Variants in CSMD1 observed in about 807,000 individuals in gnomAD.
CSMD1 encodes CUB and sushi domain-containing protein 1.
CSMD1 carries 213 observed loss-of-function variants against 417.5 expected under a neutral mutation model. That is an observed-to-expected ratio of 0.51 (90% confidence interval 0.46 to 0.57). CSMD1 has a LOEUF of 0.57. Ranked by LOEUF, CSMD1 falls within the 20% of genes least tolerant of loss-of-function variation. CSMD1 has a pLI of 0.00. For synonymous variants in CSMD1, 2,862 were observed against 1,736.8 expected (o/e 1.65, Z -16.11); for missense variants, 6,923 against 4,529.7 (o/e 1.53, Z -15.17).
intron 1 of CSMD1, among the ~76,000 whole-genome samples, chr8:4,769,730 C>A (rs181330884): frequency 6.6e-6 from 1 of 152,176 alleles, no homozygotes; most frequent in African/African-American, 2.4e-5. Flanking sequence ...GAAGTCCAAA[C>A]CAGGTAAGTC....
chr8:3,612,741 C>T (rs937427301), intron 8 of CSMD1, among the ~76,000 whole-genome samples: 9 of 151,912 alleles, frequency 5.9e-5, no homozygotes, highest in African/African-American at 2.2e-4. Flanking sequence ...AAAATGAAAA[C>T]ACAGCATATC....
chr8:3,845,869 G>C (rs925352775), intron 5 of CSMD1, among the ~76,000 whole-genome samples: 9 of 150,494 alleles, frequency 6.0e-5, no homozygotes, highest in Admixed American at 2.7e-4. Context: ...TGTTAAAAAT[G>C]AAGACACAAA....
chr8:4,210,645 C>G (rs903836548), intron 3 of CSMD1, among the ~76,000 whole-genome samples: 2 of 151,762 alleles, frequency 1.3e-5, no homozygotes, highest in African/African-American at 2.4e-5. Flanking sequence ...ATACAATTAG[C>G]CAAGAAAAAA....
At chr8:3,384,143 C>G (rs2649638) in intron 18 of CSMD1, among the ~76,000 whole-genome samples, 150,975 of 152,240 alleles carry the variant, frequency 0.99, 74,877 homozygotes, top group South Asian at 1. Context: ...CATGTTTACT[C>G]TGGGAAATGC....
intron 10 of CSMD1, among the ~76,000 whole-genome samples, chr8:3,557,470 T>C (rs575285155): frequency 6.6e-6 from 1 of 152,170 alleles, no homozygotes; most frequent in Non-Finnish European, 1.5e-5. Context: ...ATAGGCTTCC[T>C]TGAAAAGATA....
intron 2 of CSMD1, among the ~76,000 whole-genome samples, chr8:4,595,366 G>C (rs557845625): frequency 3.9e-5 from 2 of 51,936 alleles, no homozygotes; most frequent in African/African-American, 8.2e-5. Flanking sequence ...TTATTCATTT[G>C]TCTATTGATG....
chr8:3,435,223 T>A (rs1814473272), intron 12 of CSMD1, among the ~76,000 whole-genome samples: 1 of 152,086 alleles, frequency 6.6e-6, no homozygotes, highest in Non-Finnish European at 1.5e-5. Context: ...AGCACAGAGC[T>A]CCCTGGGAAA....
chr8:3,316,880 A>G (rs1465507177), intron 23 of CSMD1, among the ~76,000 whole-genome samples: 2 of 152,178 alleles, frequency 1.3e-5, no homozygotes, highest in African/African-American at 4.8e-5. Context: ...GCAATGTGCA[A>G]TATGGACATG....
At chr8:3,862,988 G>C (rs1196780594) in intron 5 of CSMD1, among the ~76,000 whole-genome samples, 1 of 152,102 alleles carries the variant, frequency 6.6e-6, no homozygotes, top group East Asian at 1.9e-4. Flanking sequence ...CCAATATCAA[G>C]GTACCAACAG....
chr8:4,000,890 G>C (rs1038273792), intron 4 of CSMD1, among the ~76,000 whole-genome samples: 2 of 151,908 alleles, frequency 1.3e-5, no homozygotes, highest in African/African-American at 2.4e-5. Flanking sequence ...TAGATGTGTG[G>C]AATTAAAAGA....
intron 3 of CSMD1, among the ~76,000 whole-genome samples, chr8:4,164,025 C>T (rs1216160003): frequency 6.6e-6 from 1 of 152,218 alleles, no homozygotes; most frequent in Admixed American, 6.5e-5. Flanking sequence ...GCAGAGTAAG[C>T]TGTTGGTACA....
chr8:3,423,213 G>C (rs372634121), intron 12 of CSMD1, among the ~76,000 whole-genome samples: 2 of 152,258 alleles, frequency 1.3e-5, no homozygotes, highest in East Asian at 3.9e-4. Context: ...AATTTAAGGA[G>C]TCTTAATTTA....
chr8:2,966,960 C>T (rs1055462327), intron 57 of CSMD1, among the ~76,000 whole-genome samples: 1 of 152,248 alleles, frequency 6.6e-6, no homozygotes, highest in East Asian at 1.9e-4. Context: ...CCTTTCAATT[C>T]GTCTTTTCTA....
intron 5 of CSMD1, among the ~76,000 whole-genome samples, chr8:3,887,443 C>A (rs1414591255): frequency 6.6e-6 from 1 of 152,164 alleles, no homozygotes; most frequent in African/African-American, 2.4e-5. Context: ...AGACCCTATC[C>A]ATGAAAGTGG....
chr8:4,113,794 A>T (rs1801986776), intron 3 of CSMD1, among the ~76,000 whole-genome samples: 2 of 152,296 alleles, frequency 1.3e-5, no homozygotes, highest in South Asian at 2.1e-4. Context: ...TGCATAAAAC[A>T]CCAAACCAGC....
intron 54 of CSMD1, among the ~76,000 whole-genome samples, chr8:2,997,387 C>A (rs187947753): frequency 1.3e-5 from 2 of 152,150 alleles, no homozygotes; most frequent in South Asian, 4.1e-4. Context: ...AGGTTCTTGT[C>A]AGAGAAAGAG....
chr8:4,508,104 C>CCAAAAAAAAAAAAAAAA (rs1563242307), intron 2 of CSMD1, among the ~76,000 whole-genome samples: 78 of 138,802 alleles, frequency 5.6e-4, no homozygotes, highest in East Asian at 8.4e-4. Flanking sequence ...AAAAAAAAAA[C>CCAAAAAAAAAAAAAAAA]CCCAAAAAAC....
intron 3 of CSMD1, among the ~76,000 whole-genome samples, chr8:4,288,721 C>G (rs940428886): frequency 2.6e-5 from 4 of 152,156 alleles, no homozygotes; most frequent in African/African-American, 9.7e-5. Flanking sequence ...TTAAGCAAAT[C>G]TATGATTCCA....
intron 1 of CSMD1, among the ~76,000 whole-genome samples, chr8:4,649,388 C>G (rs1803738111): frequency 6.6e-6 from 1 of 152,094 alleles, no homozygotes; most frequent in Non-Finnish European, 1.5e-5. Context: ...CACAAATGAT[C>G]TTGAAAGACA....
Sources: gnomAD v4.1 joint callset for allele counts (sites outside exome capture counted in the v4.1 genomes callset) on GRCh38, gnomAD v4.1.1 for gene constraint, MANE v1.5 for transcripts, NCBI Gene and HGNC (gene_info 2026-07-23, HGNC 2026-07-21) for gene names.